The following WIPI1 variants were observed in gnomAD, a reference collection of about 807,000 sequenced individuals.
WIPI1 encodes the protein WD repeat domain phosphoinositide-interacting protein 1.
In WIPI1, 45 loss-of-function variants were observed where a neutral mutation model predicts 55.3. The ratio of observed to expected loss-of-function variants is 0.81; its 90% CI spans 0.64 to 1.04. The LOEUF (loss-of-function observed/expected upper bound fraction) is 1.04. Ranked by LOEUF, WIPI1 falls within the 50% of genes least tolerant of loss-of-function variation. WIPI1 has a pLI of 0.00. For synonymous variants in WIPI1, 195 were observed against 217.6 expected (o/e 0.90, Z 0.92); for missense variants, 445 against 559.0 (o/e 0.80, Z 2.06).
chr17:68,435,540 G>T, intron 6 of WIPI1, 80 bp downstream of exon 6: 1 of 1,382,148 alleles, frequency 7.2e-7, no homozygotes, highest in Non-Finnish European at 1.0e-6. Flanking sequence ...ATGTCACCAG[G>T]TTTGTTCAAT....
intron 11 of WIPI1, 70 bp from the exon 12 acceptor site, chr17:68,426,245 G>T (rs985653225): frequency 2.1e-6 from 2 of 948,134 alleles, no homozygotes; most frequent in African/African-American, 1.6e-5. Context: ...TGGCGGGTGG[G>T]GAGCGGGGGC....
At chr17:68,431,711 C>G (rs1285924481) in intron 8 of WIPI1, among the ~76,000 whole-genome samples, 1 of 8,392 alleles carries the variant, frequency 1.2e-4, no homozygotes, top group Non-Finnish European at 2.5e-4. Context: ...GCCAGCGAAG[C>G]AGGGCTGAAG....
At chr17:68,437,003 A>ATATAT (rs1454926862) in intron 4 of WIPI1, among the ~76,000 whole-genome samples, 2 of 60,332 alleles carry the variant, frequency 3.3e-5, no homozygotes, top group Non-Finnish European at 8.0e-5. Context: ...CAAAAAAAAA[A>ATATAT]AAATATATAT....
chr17:68,450,941 C>T (rs752878855), intron 2 of WIPI1, 44 bp from the exon 3 acceptor site: 1 of 1,577,316 alleles, frequency 6.3e-7, no homozygotes, highest in South Asian at 1.2e-5. Context: ...TTGATCACTT[C>T]CAAGAAGGAT....
chr17:68,435,815 G>T, intron 5 of WIPI1, 103 bp from the exon 6 acceptor site: 1 of 1,038,280 alleles, frequency 9.6e-7, no homozygotes, highest in Non-Finnish European at 1.5e-6. Context: ...CCTTTGTCCA[G>T]CTCCCTGTCT....
At chr17:68,448,868 A>G (rs1462946273) in intron 3 of WIPI1, among the ~76,000 whole-genome samples, 2 of 152,152 alleles carry the variant, frequency 1.3e-5, no homozygotes, top group African/African-American at 4.8e-5. Flanking sequence ...AAAACTCTCA[A>G]ACTGCCTTTC....
chr17:68,424,547 T>C (rs1320695209), intron 12 of WIPI1: 1 of 530,034 alleles, frequency 1.9e-6, no homozygotes, highest in African/African-American at 1.9e-5. Flanking sequence ...AGCTCCTCTC[T>C]GGCTCTAGGA....
intron 9 of WIPI1, 78 bp downstream of exon 9, chr17:68,429,914 TCAGG>T: frequency 1.3e-6 from 2 of 1,590,768 alleles, no homozygotes; most frequent in Admixed American, 1.9e-5. Context: ...TTTTTTCTTT[TCAGG>T]TTTGGGGATT....
At chr17:68,443,174 G>A (rs904269251) in intron 4 of WIPI1, among the ~76,000 whole-genome samples, 43 of 152,080 alleles carry the variant, frequency 2.8e-4, no homozygotes, top group Admixed American at 2.4e-3. Flanking sequence ...GCAGTGGTGC[G>A]ATCTCAGCTC....
intron 7 of WIPI1, 79 bp downstream of exon 7, chr17:68,434,477 C>A: frequency 6.8e-7 from 1 of 1,472,776 alleles, no homozygotes; most frequent in South Asian, 1.2e-5. Flanking sequence ...CACTCTCTGT[C>A]CTCTCCCTAG....
At chr17:68,436,136 C>T (rs147101270) in intron 5 of WIPI1, among the ~76,000 whole-genome samples, 1 of 152,344 alleles carries the variant, frequency 6.6e-6, no homozygotes, top group East Asian at 1.9e-4. Flanking sequence ...GACAACTGGC[C>T]CCCTGCTGGC....
Position 68,430,120 on chromosome 17 carries a change from T to G in WIPI1, c.841A>C (p.Lys281Gln), listed in dbSNP as rs1370648269. 1 of 1,614,076 alleles carries G rather than the reference T, an allele frequency of 6.2e-7. No homozygotes were observed. Among genetic ancestry groups the G allele is most frequent in the East Asian group, 2.2e-5 (1 of 44,878 alleles). Residue 281 changes from lysine (K) to glutamine (Q), a missense_variant, in exon 9 of 13, where the codon AAG becomes CAG. Transcript: ENST00000262139. ...EPSTWSGYMG[K>Q]MFMAATNYLP... ...TAGTTGGTAGCAGCCATAAACATCTTTCCCATGTAGCCACTCCAGGTCGAA... is the reference window on the plus strand; with the variant it reads ...TAGTTGGTAGCAGCCATAAACATCTGTCCCATGTAGCCACTCCAGGTCGAA...
intron 2 of WIPI1, among the ~76,000 whole-genome samples, chr17:68,451,841 T>C (rs750730236): frequency 1.3e-5 from 2 of 152,246 alleles, no homozygotes; most frequent in Non-Finnish European, 2.9e-5. Context: ...ATGACCCTCC[T>C]GAGCACAAAG....
At chr17:68,433,777 T>TTTTTTTTTG (rs2083642131) in intron 7 of WIPI1, among the ~76,000 whole-genome samples, 1 of 63,616 alleles carries the variant, frequency 1.6e-5, no homozygotes, top group Non-Finnish European at 4.0e-5. Flanking sequence ...TTTTTTTTTT[T>TTTTTTTTTG]TTTTTTTTTT....
intron 11 of WIPI1, 21 bp from the exon 12 acceptor site, chr17:68,426,196 A>G (rs1040367478): frequency 6.6e-7 from 1 of 1,522,440 alleles, no homozygotes; most frequent in South Asian, 1.1e-5. Context: ...AGAAAGAGAC[A>G]TGAAACAAGC....
intron 3 of WIPI1, among the ~76,000 whole-genome samples, chr17:68,448,757 T>C (rs1452382529): frequency 6.6e-6 from 1 of 152,224 alleles, no homozygotes; most frequent in East Asian, 1.9e-4. Context: ...ATTACTACTA[T>C]ATGCAAGGAT....
chr17:68,426,512 A>C (rs1377781881), intron 11 of WIPI1, among the ~76,000 whole-genome samples: 2 of 152,066 alleles, frequency 1.3e-5, no homozygotes, highest in African/African-American at 4.8e-5. Flanking sequence ...GGCTAGGACT[A>C]CAGGCTCTTT....
chr17:68,437,921 G>C (rs2083886870), intron 4 of WIPI1, among the ~76,000 whole-genome samples: 1 of 114,080 alleles, frequency 8.8e-6, no homozygotes. Flanking sequence ...CAGAAACTTT[G>C]AGATCACGCA....
intron 12 of WIPI1, among the ~76,000 whole-genome samples, chr17:68,424,299 C>T (rs532551557): frequency 1.3e-5 from 2 of 152,272 alleles, no homozygotes; most frequent in South Asian, 2.1e-4. Flanking sequence ...GCGACCGACC[C>T]GCAGAGCCGA....
Sources: gnomAD v4.1 joint callset for allele counts (sites outside exome capture counted in the v4.1 genomes callset) on GRCh38, gnomAD v4.1.1 for gene constraint, MANE v1.5 for transcripts, NCBI Gene and HGNC (gene_info 2026-07-23, HGNC 2026-07-21) for gene names.